Variants in WDFY4 observed in about 807,000 individuals in gnomAD.
The protein encoded by WDFY4 is WDFY family member 4.
In WDFY4, 169 loss-of-function variants were observed where a neutral mutation model predicts 351.9. The ratio of observed to expected loss-of-function variants is 0.48; its 90% CI spans 0.42 to 0.55. The LOEUF (loss-of-function observed/expected upper bound fraction) is 0.55. Ranked by LOEUF, WDFY4 falls within the 20% of genes least tolerant of loss-of-function variation. The pLI, the probability that WDFY4 is intolerant of heterozygous loss-of-function variation, is 0.00. For synonymous variants in WDFY4, 1,622 were observed against 1,574.6 expected (o/e 1.03, Z -0.71); for missense variants, 3,803 against 3,935.6 (o/e 0.97, Z 0.90).
intron 11 of WDFY4, among the ~76,000 whole-genome samples, chr10:48,736,896 A>G (rs896902850): frequency 3.3e-5 from 5 of 152,252 alleles, no homozygotes; most frequent in African/African-American, 1.2e-4. Flanking sequence ...GGGACAAGTG[A>G]GGCAGGGTTA....
rs1450373297 is a variant in WDFY4, at chr10:48,803,305, A to G, written c.4430A>G (p.Asp1477Gly). The G allele has an allele frequency of 6.4e-7, 1 of 1,552,014 alleles. No homozygotes were observed. Among genetic ancestry groups the G allele is most frequent in the Non-Finnish European group, 8.7e-7 (1 of 1,147,058 alleles). Residue 1477 changes from aspartate to glycine, a missense_variant, in exon 25 of 62, where the codon GAC becomes GGC. Coordinates refer to ENST00000325239, the MANE Select transcript of WDFY4 (RefSeq NM_001394531.1). ...CNFELWMNTA[D>G]NLELSLFSHL... Reference sequence around the variant, plus strand: ...TTCCAGCTCTGGATGAATACTGCAGACAATCTGGAGCTCAGCCTCTTTTCC... The same window carrying G: ...TTCCAGCTCTGGATGAATACTGCAGGCAATCTGGAGCTCAGCCTCTTTTCC...
intron 24 of WDFY4, among the ~76,000 whole-genome samples, chr10:48,799,351 A>G (rs546433439): frequency 6.8e-6 from 1 of 147,498 alleles, no homozygotes; most frequent in East Asian, 1.9e-4. Flanking sequence ...AAAGGGAAAA[A>G]TGTTTCCCAA....
At chr10:48,787,807 C>CTCCTCCTCTTCTTCTTCTTCT (rs796166984) in intron 20 of WDFY4, among the ~76,000 whole-genome samples, 19 of 76,738 alleles carry the variant, frequency 2.5e-4, no homozygotes, top group African/African-American at 8.8e-4. Flanking sequence ...CCTCCTCCTC[C>CTCCTCCTCTTCTTCTTCTTCT]TCTTCTTCTT....
chr10:48,913,068 A>G (rs1429941744), intron 47 of WDFY4, among the ~76,000 whole-genome samples: 1 of 152,156 alleles, frequency 6.6e-6, no homozygotes, highest in East Asian at 1.9e-4. Context: ...GTGTGGCGGC[A>G]TTAGCTGCTT....
chr10:48,895,430 C>T (rs140648833), intron 44 of WDFY4, among the ~76,000 whole-genome samples: 1 of 152,184 alleles, frequency 6.6e-6, no homozygotes, highest in Non-Finnish European at 1.5e-5. Context: ...GGGGCAGGGG[C>T]CTTTGTAGCC....
intron 35 of WDFY4, chr10:48,823,651 A>G: frequency 3.0e-6 from 3 of 1,006,542 alleles, no homozygotes; most frequent in Non-Finnish European, 3.6e-6. Context: ...ATTCCTGGCA[A>G]GTTGTGTTGT....
rs141753500 is a variant in WDFY4 at position 48,774,350 on chromosome 10, G to T, written c.2554-108G>T. ...GTAGTGGGGATGGGGTATGGTGGGC[G>T]CAGTCTCCTTGTTCCACAACTCACC... On this transcript the variant is annotated intron_variant, in intron 13 of 61. Coordinates refer to ENST00000325239, the MANE Select transcript of WDFY4 (RefSeq NM_001394531.1). 17 of 1,122,602 alleles carry T rather than the reference G, an allele frequency of 1.5e-5. No homozygotes were observed. In the African/African-American group the frequency reaches 1.9e-4, roughly 12 times the overall value. 69.5% of individuals were successfully genotyped at this position (1,122,602 alleles called of 1,614,324 possible). A position where few individuals can be genotyped will look rare whatever the true frequency, so the allele number is the denominator to read the frequency against.
chr10:48,888,901 T>C (rs891627597), intron 43 of WDFY4, among the ~76,000 whole-genome samples: 7 of 152,228 alleles, frequency 4.6e-5, no homozygotes, highest in African/African-American at 1.4e-4. Flanking sequence ...TTAGCATGTA[T>C]CACAGGTTGT....
chr10:48,857,484 GA>G lies in WDFY4; in HGVS notation c.6664-9773del, dbSNP rs1018319850. On this transcript the variant is annotated intron_variant, in intron 39 of 61. Transcript: ENST00000325239. ...GGCCTTCAATGCAATTTCAACACGG[GA>G]AAAAAAAGGCAAAAATGTCATAGTA... Among the ~76,000 whole-genome samples the G allele has an allele frequency of 1.6e-4, 24 of 150,828 alleles. No homozygotes were observed. The East Asian group carries it at 3.7e-3, about 23-fold the overall frequency.
chr10:48,962,529 C>A (rs1300156856), intron 53 of WDFY4, among the ~76,000 whole-genome samples: 3 of 152,218 alleles, frequency 2.0e-5, no homozygotes, highest in Non-Finnish European at 2.9e-5. Flanking sequence ...GGCCATACTT[C>A]CTCTTGCTCA....
chr10:48,787,742 C>T (rs1326092567), intron 20 of WDFY4, among the ~76,000 whole-genome samples: 1 of 151,902 alleles, frequency 6.6e-6, no homozygotes, highest in Non-Finnish European at 1.5e-5. Flanking sequence ...CATGGTAAGA[C>T]AAATCTTGGG....
chr10:48,964,166 C>G lies in WDFY4; in HGVS notation c.8436+112C>G. On this transcript the variant is annotated intron_variant, in intron 54 of 61. Transcript: ENST00000325239. ...GATGGCTGAAGAGGTGAAATGGTCC[C>G]CCATCATCTTCCTGTGCTTTCAATA... is the stretch of plus-strand genomic sequence containing the variant. 3 of 1,186,242 alleles carry G rather than the reference C, an allele frequency of 2.5e-6. No homozygotes were observed. In the South Asian group the frequency reaches 4.3e-5, roughly 17 times the overall value. The allele number at this position is 1,186,242 out of a possible 1,614,324, so 73.5% of individuals were successfully genotyped here.
Position 48,830,815 on chromosome 10 carries a change from G to C in WDFY4, c.6456G>C (p.Arg2152Ser). 1 of 1,551,700 alleles carries C rather than the reference G, an allele frequency of 6.4e-7. No homozygotes were observed. The highest frequency in any genetic ancestry group is 8.7e-7 in the Non-Finnish European group (1 of 1,146,974). Reference protein sequence around the residue: ...KIDLSVKPGEREVKIEEVTPL... With the variant: ...KIDLSVKPGESEVKIEEVTPL... ...ATCTCTCTGTGAAACCTGGAGAGAG[G>C]GAAGTGAAGATTGAAGAGGTCACAC... The change falls in exon 38 of 62, where the codon AGG becomes AGC. Residue 2152 changes from arginine (R) to serine (S), a missense_variant. Around this residue, in one of 3 missense-constraint regions of WDFY4, gnomAD observed 3,054 missense variants for 3,148.6 expected, o/e 0.97. Transcript: ENST00000325239.
At chr10:48,896,738 A>C (rs1837096352) in intron 44 of WDFY4, among the ~76,000 whole-genome samples, 1 of 151,854 alleles carries the variant, frequency 6.6e-6, no homozygotes, top group Non-Finnish European at 1.5e-5. Context: ...ACTTCCCTCA[A>C]ACCTCCCTGC....
chr10:48,811,515 G>A (rs2067445701), intron 29 of WDFY4, 24 bp from the exon 30 acceptor site: 1 of 1,550,054 alleles, frequency 6.5e-7, no homozygotes, highest in Non-Finnish European at 8.7e-7. Flanking sequence ...GCTGACTTTT[G>A]TGCCCCCTTT....
intron 49 of WDFY4, among the ~76,000 whole-genome samples, chr10:48,945,107 G>T (rs1564518611): frequency 6.6e-6 from 1 of 152,230 alleles, no homozygotes; most frequent in Non-Finnish European, 1.5e-5. Flanking sequence ...CAGGCGCAGT[G>T]GCTTATGTCT....
chr10:48,813,214 C>T (rs1478435510), intron 30 of WDFY4, among the ~76,000 whole-genome samples: 2 of 151,996 alleles, frequency 1.3e-5, no homozygotes, highest in African/African-American at 2.4e-5. Flanking sequence ...GTGGCTTTGC[C>T]AAGAGAAGGT....
chr10:48,795,495 A>G (rs918448033), intron 23 of WDFY4, among the ~76,000 whole-genome samples: 25 of 41,720 alleles, frequency 6.0e-4, no homozygotes, highest in African/African-American at 1.9e-3. Flanking sequence ...GTGTCTGTAT[A>G]TATATATATA....
rs551566140 is a variant in WDFY4 at position 48,768,618 on chromosome 10, G to A, written c.2554-5840G>A. Among the ~76,000 whole-genome samples, 11 of 152,114 alleles carry A rather than the reference G, an allele frequency of 7.2e-5. No individual in the cohort carries two copies. The East Asian group carries it at 9.7e-4, about 13-fold the overall frequency. On this transcript the variant is annotated intron_variant, in intron 13 of 61. Coordinates refer to ENST00000325239, the MANE Select transcript of WDFY4 (RefSeq NM_001394531.1). ...TTAGAGTAGCCTGTGCTTACTAGGCGGCTATTCTGTCTAATGTCTAAGGCA... is the reference window on the plus strand; with the variant it reads ...TTAGAGTAGCCTGTGCTTACTAGGCAGCTATTCTGTCTAATGTCTAAGGCA...
Sources: gnomAD v4.1 joint callset for allele counts (sites outside exome capture counted in the v4.1 genomes callset) on GRCh38, gnomAD v4.1.1 for gene constraint, gnomAD v4.1.1 regional missense constraint, MANE v1.5 for transcripts, NCBI Gene and HGNC (gene_info 2026-07-23, HGNC 2026-07-21) for gene names.